CTIF: variants seen among roughly 807,000 people sequenced by gnomAD.
CTIF encodes the protein cap binding complex dependent translation initiation factor, also known as CBP80/20-dependent translation initiation factor.
In CTIF, 21 loss-of-function variants were observed where a neutral mutation model predicts 66.0. That is an observed-to-expected ratio of 0.32 (90% CI 0.23 to 0.46). CTIF has a LOEUF of 0.46. Ranked by LOEUF, CTIF falls within the 20% of genes least tolerant of loss-of-function variation. The pLI is 1.00. For missense variants in CTIF, 739 were observed against 812.7 expected, an observed-to-expected ratio of 0.91 and a Z score of 1.10; for synonymous variants, 345 against 326.4, an observed-to-expected ratio of 1.06 and a Z score of -0.62.
At chr18:48,559,356 A>ACC (rs60449140) in intron 1 of CTIF, among the ~76,000 whole-genome samples, 1 of 150,118 alleles carries the variant, frequency 6.7e-6, no homozygotes, top group African/African-American at 2.5e-5. Flanking sequence ...TAGTCCTACC[A>ACC]CCCCCCCCAA....
intron 3 of CTIF, among the ~76,000 whole-genome samples, chr18:48,657,638 T>C (rs1248083828): frequency 6.6e-6 from 1 of 152,092 alleles, no homozygotes. Context: ...GTGAACGGCA[T>C]GTGCTATGAG....
intron 1 of CTIF, among the ~76,000 whole-genome samples, chr18:48,560,168 A>G (rs554564119): frequency 2.0e-5 from 3 of 151,788 alleles, no homozygotes; most frequent in East Asian, 1.9e-4. Context: ...CAGATTCAAG[A>G]CGGTGGGGAC....
At chr18:48,621,950 A>G (rs1333421592) in intron 2 of CTIF, among the ~76,000 whole-genome samples, 1 of 152,152 alleles carries the variant, frequency 6.6e-6, no homozygotes, top group Non-Finnish European at 1.5e-5. Flanking sequence ...GACAGGAGGG[A>G]GTGGCAGGTG....
At chr18:48,763,228 A>G (rs544046702) in intron 9 of CTIF, among the ~76,000 whole-genome samples, 3 of 152,318 alleles carry the variant, frequency 2.0e-5, no homozygotes, top group African/African-American at 7.2e-5. Context: ...AGTTCTAGAC[A>G]GTGGTTGCCA....
chr18:48,640,198 T>G (rs2090901326), intron 3 of CTIF, among the ~76,000 whole-genome samples: 1 of 152,166 alleles, frequency 6.6e-6, no homozygotes, highest in African/African-American at 2.4e-5. Context: ...ACACCACCCA[T>G]GAGCACCCCG....
rs1223025727 is a variant in CTIF at position 48,793,338 on chromosome 18, CCTTGGTAAGG to C, written c.1372-23879_1372-23870del. Among the ~76,000 whole-genome samples, 8 of 152,272 alleles carry C rather than the reference CCTTGGTAAGG, an allele frequency of 5.3e-5. No homozygotes were observed. In the South Asian group the frequency reaches 1.7e-3, roughly 32 times the overall value. On this transcript the variant is annotated intron_variant, in intron 9 of 11. Coordinates refer to ENST00000256413, the MANE Select transcript of CTIF (RefSeq NM_014772.3). ...AGTGGTGTCATTTTATCATTTTATT[CCTTGGTAAGG>C]CTTAAATTTCAGCTTTGGGAAACTG...
intron 6 of CTIF, among the ~76,000 whole-genome samples, chr18:48,708,738 A>G (rs2092190100): frequency 6.6e-6 from 1 of 152,152 alleles, no homozygotes; most frequent in Admixed American, 6.5e-5. Context: ...CAGGCCAAAA[A>G]CAGCATAAAA....
At chr18:48,711,489 TAG>T (rs1263871166) in intron 6 of CTIF, 128 bp from the exon 7 acceptor site, 9 of 673,700 alleles carry the variant, frequency 1.3e-5, no homozygotes, top group Non-Finnish European at 2.3e-5. Context: ...ATTTGGTGGT[TAG>T]AGTCTAGTCT....
At chr18:48,803,967 C>A (rs1462503437) in intron 9 of CTIF, among the ~76,000 whole-genome samples, 2 of 152,162 alleles carry the variant, frequency 1.3e-5, no homozygotes, top group Non-Finnish European at 2.9e-5. Context: ...GCTGTTTGAG[C>A]CCTGGGGACA....
intron 1 of CTIF, among the ~76,000 whole-genome samples, chr18:48,587,016 C>T (rs750286457): frequency 6.6e-6 from 1 of 151,472 alleles, no homozygotes; most frequent in Admixed American, 6.6e-5. Flanking sequence ...CACAGCTGTA[C>T]AACCTACACA....
intron 9 of CTIF, among the ~76,000 whole-genome samples, chr18:48,792,204 ACCTGGGGAGCAT>A (rs1416348500): frequency 6.6e-6 from 1 of 152,000 alleles, no homozygotes; most frequent in Non-Finnish European, 1.5e-5. Context: ...AGCCGTGCAG[ACCTGGGGAGCAT>A]CCTGGTCAAA....
chr18:48,658,497 T>G (rs1349952217), intron 3 of CTIF, among the ~76,000 whole-genome samples: 1 of 152,036 alleles, frequency 6.6e-6, no homozygotes, highest in African/African-American at 2.4e-5. Flanking sequence ...TATATATGCA[T>G]GTATGTGTGT....
In CTIF at chr18:48,669,793, TTATATATATATATATATATATA is replaced by T. The variant is rs57715945; in HGVS notation, c.432-849_432-828del. ...ATTTATAAACAAACAAGCTAAACAT[TTATATATATATATATATATATA>T]TATATATATATATATATATATATAT... On this transcript the variant is annotated intron_variant, in intron 5 of 11. Coordinates refer to ENST00000256413, the MANE Select transcript of CTIF (RefSeq NM_014772.3). Among the ~76,000 whole-genome samples the T allele has an allele frequency of 9.9e-4, 47 of 47,262 alleles. 1 individual carries two copies. The highest frequency in any genetic ancestry group is 6.6e-3 in the South Asian group (9 of 1,358). 31.0% of individuals were successfully genotyped at this position (47,262 alleles called of 152,430 possible).
At chr18:48,606,583 G>A (rs1363638227) in intron 1 of CTIF, among the ~76,000 whole-genome samples, 2 of 152,224 alleles carry the variant, frequency 1.3e-5, no homozygotes, top group Non-Finnish European at 2.9e-5. Context: ...CATAACTTCT[G>A]GCACCCTGGA....
intron 3 of CTIF, among the ~76,000 whole-genome samples, chr18:48,650,327 C>T (rs1335349225): frequency 8.6e-5 from 13 of 152,040 alleles, no homozygotes; most frequent in Admixed American, 5.9e-4. Flanking sequence ...GAACTCGTGA[C>T]GCATGCACAA....
At chr18:48,591,991 A>G (rs2089895478) in intron 1 of CTIF, among the ~76,000 whole-genome samples, 1 of 152,122 alleles carries the variant, frequency 6.6e-6, no homozygotes, top group Admixed American at 6.5e-5. Context: ...GCTGCAAGTG[A>G]TCCTCCTGCC....
chr18:48,727,332 T>A (rs886562352), intron 7 of CTIF, among the ~76,000 whole-genome samples: 2 of 152,202 alleles, frequency 1.3e-5, no homozygotes, highest in East Asian at 3.8e-4. Flanking sequence ...TTCATGAGAT[T>A]GCAGCAAGTC....
intron 10 of CTIF, among the ~76,000 whole-genome samples, chr18:48,828,267 T>C (rs967094810): frequency 1.3e-5 from 2 of 152,140 alleles, no homozygotes; most frequent in African/African-American, 4.8e-5. Flanking sequence ...TCAACATGGC[T>C]CAGGAGGACA....
intron 8 of CTIF, among the ~76,000 whole-genome samples, chr18:48,759,629 C>T (rs1253480341): frequency 6.6e-6 from 1 of 152,236 alleles, no homozygotes; most frequent in East Asian, 1.9e-4. Flanking sequence ...TCTCCCTGAG[C>T]CCCAGTTACT....
Sources: allele counts gnomAD v4.1 joint callset (sites outside exome capture counted in the v4.1 genomes callset), GRCh38; gene constraint gnomAD v4.1.1; transcripts MANE v1.5; gene names NCBI Gene and HGNC (gene_info 2026-07-23, HGNC 2026-07-21).